CLRN3: variants seen among roughly 807,000 people sequenced by gnomAD.
CLRN3 encodes clarin-3.
CLRN3 carries 12 observed loss-of-function variants against 16.7 expected under a neutral mutation model. That is an observed-to-expected ratio of 0.72 (90% CI 0.46 to 1.16). The LOEUF is 1.16. CLRN3 is among the 50% of genes most tolerant of loss of function. The probability of loss-of-function intolerance (pLI) is 0.00; values close to 1 mark genes in which losing one functional copy is unlikely to be tolerated. For missense variants in CLRN3, 296 were observed against 274.2 expected (o/e 1.08, Z -0.56); for synonymous variants, 118 against 113.0 (o/e 1.04, Z -0.28).
intron 2 of CLRN3, among the ~76,000 whole-genome samples, chr10:127,880,227 G>A (rs1845111683): frequency 6.6e-6 from 1 of 152,062 alleles, no homozygotes; most frequent in South Asian, 2.1e-4. Context: ...ATCATAAAGG[G>A]GCAGGATGTA....
intron 2 of CLRN3, among the ~76,000 whole-genome samples, chr10:127,879,775 T>C (rs918756312): frequency 2.6e-5 from 4 of 152,186 alleles, no homozygotes; most frequent in African/African-American, 7.2e-5. Flanking sequence ...GTGTGACTCA[T>C]GTGTCAATAA....
chr10:127,891,191 T>G (rs1219038566), intron 1 of CLRN3, among the ~76,000 whole-genome samples: 2 of 152,214 alleles, frequency 1.3e-5, no homozygotes, highest in Non-Finnish European at 2.9e-5. Context: ...CTCACCTGCA[T>G]GCACACAGGG....
At chr10:127,889,710 T>A (rs1479668294) in intron 1 of CLRN3, among the ~76,000 whole-genome samples, 1 of 152,210 alleles carries the variant, frequency 6.6e-6, no homozygotes, top group African/African-American at 2.4e-5. Flanking sequence ...TTCTGGTCAG[T>A]GCGTAGGCTG....
chr10:127,889,199 G>T (rs1833156983), intron 1 of CLRN3, among the ~76,000 whole-genome samples: 1 of 152,164 alleles, frequency 6.6e-6, no homozygotes, highest in African/African-American at 2.4e-5. Flanking sequence ...GTGTGTGCTG[G>T]TGATCCCAGC....
chr10:127,879,536 C>G (rs1021067602), intron 2 of CLRN3, among the ~76,000 whole-genome samples: 1 of 151,238 alleles, frequency 6.6e-6, no homozygotes, highest in Admixed American at 6.6e-5. Context: ...AGCCTCATTC[C>G]TCATCTTTCA....
Position 127,878,066 on chromosome 10 carries a change from C to A in CLRN3, c.*83G>T. ...CACAGATGACAGTCACGTTACCATG[C>A]TGAATTGTCCAGAGAAGCTAACCAG... On this transcript the variant is annotated 3_prime_UTR_variant, in exon 3 of 3. Transcript: ENST00000368671. 6.7e-7 allele frequency: 1 copy of A among 1,484,162 alleles called. No homozygotes were observed. The highest frequency in any genetic ancestry group is 1.8e-5 in the Admixed American group (1 of 56,200). The allele number at this position is 1,484,162 out of a possible 1,614,324, so 91.9% of individuals were successfully genotyped here.
intron 1 of CLRN3, among the ~76,000 whole-genome samples, chr10:127,888,159 C>T (rs1010370513): frequency 3.9e-5 from 6 of 152,358 alleles, no homozygotes; most frequent in East Asian, 3.9e-4. Flanking sequence ...TGACTCCCTC[C>T]GTAAGCACCT....
At chr10:127,880,024 C>G (rs1490389331) in intron 2 of CLRN3, among the ~76,000 whole-genome samples, 2 of 152,138 alleles carry the variant, frequency 1.3e-5, no homozygotes, top group Non-Finnish European at 2.9e-5. Context: ...ATCAAAAGGC[C>G]TTAATTAGAG....
intron 1 of CLRN3, among the ~76,000 whole-genome samples, chr10:127,888,019 C>G (rs1845217285): frequency 1.3e-5 from 2 of 152,340 alleles, no homozygotes; most frequent in African/African-American, 2.4e-5. Flanking sequence ...GACATCTGGG[C>G]TCCCCATGCA....
At chr10:127,878,454 G>C (rs773339159) in intron 2 of CLRN3, 34 bp from the exon 3 acceptor site, 2 of 1,609,862 alleles carry the variant, frequency 1.2e-6, no homozygotes, top group South Asian at 2.2e-5. Context: ...GCATGGCATG[G>C]TGATACAGTT....
intron 1 of CLRN3, among the ~76,000 whole-genome samples, chr10:127,890,780 T>C (rs1845248957): frequency 6.6e-6 from 1 of 151,666 alleles, no homozygotes; most frequent in Non-Finnish European, 1.5e-5. Flanking sequence ...CCGGGATCGT[T>C]AGCAGCTGAA....
chr10:127,889,156 T>C (rs1290790187), intron 1 of CLRN3, among the ~76,000 whole-genome samples: 1 of 152,174 alleles, frequency 6.6e-6, no homozygotes, highest in Non-Finnish European at 1.5e-5. Flanking sequence ...ACCCTGTCTC[T>C]ACAAAACGTA....
chr10:127,885,906 C>A (rs549871072), intron 1 of CLRN3, among the ~76,000 whole-genome samples: 1 of 152,162 alleles, frequency 6.6e-6, no homozygotes, highest in African/African-American at 2.4e-5. Flanking sequence ...CAGGCATGCA[C>A]CACCATGCCA....
At chr10:127,887,926 GCGTCTGGCC>G (rs753240138) in intron 1 of CLRN3, among the ~76,000 whole-genome samples, 2 of 152,204 alleles carry the variant, frequency 1.3e-5, no homozygotes, top group Non-Finnish European at 2.9e-5. Context: ...AAAGAGAAGA[GCGTCTGGCC>G]CGCAGATCCC....
chr10:127,891,141 C>G (rs1424274282), intron 1 of CLRN3, among the ~76,000 whole-genome samples: 1 of 152,242 alleles, frequency 6.6e-6, no homozygotes, highest in African/African-American at 2.4e-5. Flanking sequence ...TCAGGGCTCT[C>G]CTTGACAAGT....
chr10:127,883,728 G>A lies in CLRN3; in HGVS notation c.377C>T (p.Pro126Leu), dbSNP rs141771225. The change falls in exon 2 of 3, where the codon CCG becomes CTG. Residue 126 changes from proline (P) to leucine (L), a missense_variant. Physicochemically the swap from Pro to Leu is moderately conservative, Grantham distance 98. Transcript: ENST00000368671. ...ISNPYQTFLG[P>L]TGVYTWNGLG... Reference sequence around the variant, plus strand: ...CCCGTTCCAGGTGTACACCCCCGTCGGCCCCAGGAATGTCTGGTAAGGGTT... The same window carrying A: ...CCCGTTCCAGGTGTACACCCCCGTCAGCCCCAGGAATGTCTGGTAAGGGTT... 2.2e-4 allele frequency: 355 copies of A among 1,613,800 alleles called. 3 individuals are homozygous for A. Among genetic ancestry groups the A allele is most frequent in the South Asian group, 1.3e-3 (117 of 91,058 alleles).
At position 127,883,774 on chromosome 10, in the gene CLRN3, T is replaced by C. The variant is rs982402917; in HGVS notation, c.331A>G (p.Thr111Ala). Residue 111 changes from threonine (T) to alanine (A), a missense_variant, in exon 2 of 3, where the codon ACC becomes GCC. Transcript: ENST00000368671. Reference sequence around the variant, plus strand: ...GGGTTGCTGATGCTGTTGTAGAAGGTAAACCCAGAGCTCAGCAGCGACGTG... The same window carrying C: ...GGGTTGCTGATGCTGTTGTAGAAGGCAAACCCAGAGCTCAGCAGCGACGTG... ...LITSLLSSGF[T>A]FYNSISNPYQ... The C allele has an allele frequency of 6.2e-6, 10 of 1,613,746 alleles. No individual in the cohort carries two copies. The highest frequency in any genetic ancestry group is 6.8e-6 in the Non-Finnish European group (8 of 1,179,920).
At chr10:127,890,159 T>C (rs1017518289) in intron 1 of CLRN3, among the ~76,000 whole-genome samples, 3 of 152,234 alleles carry the variant, frequency 2.0e-5, no homozygotes, top group Non-Finnish European at 4.4e-5. Flanking sequence ...GAGCCCCTTA[T>C]ACATGCAGCA....
chr10:127,878,984 A>G (rs191006821), intron 2 of CLRN3, among the ~76,000 whole-genome samples: 2 of 152,306 alleles, frequency 1.3e-5, no homozygotes, highest in East Asian at 3.9e-4. Flanking sequence ...ATCTCATGGC[A>G]TATGATGCCA....
Sources: allele counts gnomAD v4.1 joint callset (sites outside exome capture counted in the v4.1 genomes callset), GRCh38; gene constraint gnomAD v4.1.1; transcripts MANE v1.5; gene names NCBI Gene and HGNC (gene_info 2026-07-23, HGNC 2026-07-21).